The following RAB22A variants were observed in gnomAD, a reference collection of about 807,000 sequenced individuals.
The protein encoded by RAB22A is ras-related protein Rab-22A.
RAB22A carries 13 observed loss-of-function variants against 30.2 expected under a neutral mutation model. The ratio of observed to expected loss-of-function variants is 0.43; its 90% CI spans 0.28 to 0.68. The LOEUF (loss-of-function observed/expected upper bound fraction) is 0.68. RAB22A is among the 30% of genes least tolerant of loss of function. The pLI, the probability that RAB22A is intolerant of heterozygous loss-of-function variation, is 0.18. For missense variants in RAB22A, 177 were observed against 246.8 expected, an observed-to-expected ratio of 0.72 and a Z score of 1.89; for synonymous variants, 89 against 87.2, an observed-to-expected ratio of 1.02 and a Z score of -0.11.
intron 2 of RAB22A, among the ~76,000 whole-genome samples, chr20:58,326,778 A>G (rs1184212383): frequency 1.1e-4 from 16 of 152,186 alleles, no homozygotes; most frequent in Admixed American, 1.0e-3. Context: ...TGTTGTATGA[A>G]AATAAAGGCT....
chr20:58,354,195 T>C lies in RAB22A; in HGVS notation c.417T>C (p.Ser139=), dbSNP rs1282794957. The C allele has an allele frequency of 6.2e-7, 1 of 1,613,962 alleles. No individual in the cohort carries two copies. Among genetic ancestry groups the C allele is most frequent in the Non-Finnish European group, 8.5e-7 (1 of 1,179,856 alleles). ...GAGATGCAAAGGACTACGCCGACTC[T>C]ATTCATGCAATTTTTGTAGAGACCA... ...MERDAKDYAD[S]IHAIFVETSA... Residue 139 remains serine (S), a synonymous_variant, in exon 6 of 7, where the codon TCT becomes TCC. Coordinates refer to ENST00000244040, the MANE Select transcript of RAB22A (RefSeq NM_020673.3).
At position 58,363,839 on chromosome 20, in the gene RAB22A, A is replaced by G. The variant is rs1455700637; in HGVS notation, c.*4136A>G. ...TTAACTCCTGCTGTGCTGTGATTTA[A>G]AAAAAAATAGTCTAAGAAACAAATT... On this transcript the variant is annotated 3_prime_UTR_variant, in exon 7 of 7. Transcript: ENST00000244040. 6.6e-6 allele frequency: 1 copy of G among 152,032 alleles called. No homozygotes were observed. The highest frequency in any genetic ancestry group is 1.9e-4 in the East Asian group (1 of 5,202). 9.4% of individuals were successfully genotyped at this position (152,032 alleles called of 1,614,324 possible).
chr20:58,339,344 C>A (rs1249377413), intron 2 of RAB22A, among the ~76,000 whole-genome samples: 4 of 152,192 alleles, frequency 2.6e-5, no homozygotes, highest in African/African-American at 9.6e-5. Flanking sequence ...AAGTAAATGG[C>A]AGGCTGGAAA....
chr20:58,332,064 C>T (rs1986671141), intron 2 of RAB22A, among the ~76,000 whole-genome samples: 1 of 152,202 alleles, frequency 6.6e-6, no homozygotes, highest in Non-Finnish European at 1.5e-5. Context: ...CATATTATAT[C>T]CTTTAAATGT....
chr20:58,322,691 G>C (rs755132653), intron 2 of RAB22A, among the ~76,000 whole-genome samples: 3 of 152,150 alleles, frequency 2.0e-5, no homozygotes, highest in Non-Finnish European at 4.4e-5. Context: ...TCACATATAA[G>C]AACCTCGCAA....
intron 2 of RAB22A, among the ~76,000 whole-genome samples, chr20:58,316,480 T>G (rs1986342431): frequency 6.6e-6 from 1 of 152,212 alleles, no homozygotes; most frequent in Non-Finnish European, 1.5e-5. Flanking sequence ...TGCATGTCTC[T>G]GGTCCCTCTT....
At chr20:58,355,118 C>T (rs895773115) in intron 6 of RAB22A, among the ~76,000 whole-genome samples, 56 of 152,246 alleles carry the variant, frequency 3.7e-4, no homozygotes, top group Non-Finnish European at 6.0e-4. Flanking sequence ...AGCAGAAAGC[C>T]GTCAGAGCAG....
intron 6 of RAB22A, among the ~76,000 whole-genome samples, chr20:58,355,528 G>A (rs1339604829): frequency 4.6e-5 from 7 of 152,098 alleles, no homozygotes; most frequent in East Asian, 1.9e-4. Flanking sequence ...GTGTTAAAAC[G>A]TCATGATGTG....
intron 2 of RAB22A, among the ~76,000 whole-genome samples, chr20:58,328,289 C>T (rs1449523326): frequency 6.6e-6 from 1 of 152,076 alleles, no homozygotes; most frequent in African/African-American, 2.4e-5. Context: ...TCAAGCGATC[C>T]TCCCACCTCA....
chr20:58,338,056 C>T (rs1986790259), intron 2 of RAB22A, among the ~76,000 whole-genome samples: 3 of 151,484 alleles, frequency 2.0e-5, no homozygotes, highest in Admixed American at 1.3e-4. Flanking sequence ...AGACGGATCT[C>T]GCTCTTGTCG....
chr20:58,354,616 T>TG, intron 6 of RAB22A, among the ~76,000 whole-genome samples: 1 of 152,300 alleles, frequency 6.6e-6, no homozygotes. Context: ...CAGGTATACT[T>TG]GCACGGTAAG....
intron 2 of RAB22A, among the ~76,000 whole-genome samples, chr20:58,333,748 A>G (rs1986699114): frequency 1.3e-5 from 2 of 152,314 alleles, no homozygotes; most frequent in South Asian, 4.1e-4. Flanking sequence ...ATAGCTGAAA[A>G]TCCAACACAA....
In RAB22A at chr20:58,364,106, T is replaced by C. The variant is rs1734695818; in HGVS notation, c.*4403T>C. The C allele has an allele frequency of 6.6e-6, 1 of 152,646 alleles. No individual in the cohort carries two copies. The highest frequency in any genetic ancestry group is 2.1e-4 in the South Asian group (1 of 4,834). The allele number at this position is 152,646 out of a possible 1,614,324, so 9.5% of individuals were successfully genotyped here. On this transcript the variant is annotated 3_prime_UTR_variant, in exon 7 of 7. Transcript: ENST00000244040. ...GAAAGTCTAAAAAATATGAGGAAGA[T>C]ATTACATTTTTCAGGAGCCTCCATT...
intron 6 of RAB22A, among the ~76,000 whole-genome samples, chr20:58,356,226 G>A (rs868322489): frequency 1.3e-5 from 2 of 151,336 alleles, no homozygotes; most frequent in African/African-American, 2.4e-5. Context: ...CAGGAGACTC[G>A]CTTGAACCCG....
At chr20:58,320,963 G>A (rs1026093812) in intron 2 of RAB22A, among the ~76,000 whole-genome samples, 3 of 151,720 alleles carry the variant, frequency 2.0e-5, no homozygotes, top group Non-Finnish European at 1.5e-5. Flanking sequence ...AGGCCGAGGC[G>A]GGTAGATCAT....
intron 2 of RAB22A, among the ~76,000 whole-genome samples, chr20:58,328,954 G>C (rs1056434560): frequency 3.9e-5 from 6 of 152,058 alleles, no homozygotes; most frequent in African/African-American, 9.7e-5. Flanking sequence ...GACATTTACC[G>C]ATGGTCTAAA....
chr20:58,338,699 C>T (rs1406758470), intron 2 of RAB22A, among the ~76,000 whole-genome samples: 1 of 152,226 alleles, frequency 6.6e-6, no homozygotes, highest in African/African-American at 2.4e-5. Context: ...GAGAACCCAT[C>T]AAGTTCTTTG....
chr20:58,336,948 A>G (rs1300592345), intron 2 of RAB22A, among the ~76,000 whole-genome samples: 1 of 151,888 alleles, frequency 6.6e-6, no homozygotes, highest in Non-Finnish European at 1.5e-5. Flanking sequence ...ATGATTCTCT[A>G]CTTTGATTCT....
intron 2 of RAB22A, among the ~76,000 whole-genome samples, chr20:58,312,584 A>G (rs859489): frequency 0.55 from 79,160 of 144,098 alleles, 22,561 homozygotes; most frequent in African/African-American, 0.75. Flanking sequence ...CGCCTCCTGG[A>G]TTCACGCCAT....
Sources: gnomAD v4.1 joint callset for allele counts (sites outside exome capture counted in the v4.1 genomes callset) on GRCh38, gnomAD v4.1.1 for gene constraint, MANE v1.5 for transcripts, NCBI Gene and HGNC (gene_info 2026-07-23, HGNC 2026-07-21) for gene names.